Variants in MGAT4C observed in about 807,000 individuals in gnomAD.
MGAT4C encodes the protein MGAT4 family member C.
A neutral mutation model predicts 40.1 loss-of-function variants in MGAT4C; 19 were observed. That is an observed-to-expected ratio of 0.47 (90% CI 0.33 to 0.70). The LOEUF is 0.70. Among genes scored for constraint, MGAT4C ranks in the 30% least tolerant of loss-of-function variants. The pLI, the probability that MGAT4C is intolerant of heterozygous loss-of-function variation, is 0.02. For missense variants in MGAT4C, 491 were observed against 563.2 expected, an observed-to-expected ratio of 0.87 and a Z score of 1.30; for synonymous variants, 181 against 187.1, an observed-to-expected ratio of 0.97 and a Z score of 0.27.
At position 85,969,667 on chromosome 12, in the gene MGAT4C, C is replaced by A. The variant is rs1224421476; in HGVS notation, c.*9622G>T. The A allele has an allele frequency of 6.6e-6, 1 of 151,462 alleles. No homozygotes were observed. Among genetic ancestry groups the A allele is most frequent in the Non-Finnish European group, 1.5e-5 (1 of 67,592 alleles). The allele number at this position is 151,462 out of a possible 1,614,324, so 9.4% of individuals were successfully genotyped here. A position where few individuals can be genotyped will look rare whatever the true frequency, so the allele number is the denominator to read the frequency against. The stretch of plus-strand genomic sequence containing the variant: ...AATATAGTCATATCATCCAGAAAAT[C>A]CCATCTTAGACAAATGGGTTTTCAA... On this transcript the variant is annotated 3_prime_UTR_variant, in exon 5 of 5. Transcript: ENST00000611864.
intron 3 of MGAT4C, among the ~76,000 whole-genome samples, chr12:86,403,428 A>G (rs894728443): frequency 1.3e-5 from 2 of 152,386 alleles, no homozygotes; most frequent in African/African-American, 2.4e-5. Flanking sequence ...ATAATCTAAT[A>G]GAATTTTTGC....
At chr12:86,474,081 G>C (rs1270966039) in intron 2 of MGAT4C, among the ~76,000 whole-genome samples, 2 of 151,902 alleles carry the variant, frequency 1.3e-5, no homozygotes, top group Non-Finnish European at 2.9e-5. Flanking sequence ...GCAAAAGAAA[G>C]TCAGGCACTA....
At chr12:86,385,925 A>T (rs4526835) in intron 3 of MGAT4C, among the ~76,000 whole-genome samples, 204 of 151,986 alleles carry the variant, frequency 1.3e-3, no homozygotes, top group African/African-American at 4.6e-3. Flanking sequence ...ATTATTTTTT[A>T]TTTTTTATTT....
At chr12:86,554,323 G>T (rs1457106924) in intron 2 of MGAT4C, among the ~76,000 whole-genome samples, 1 of 152,132 alleles carries the variant, frequency 6.6e-6, no homozygotes, top group African/African-American at 2.4e-5. Context: ...TCTGAATGAG[G>T]TCACTAGTGC....
chr12:86,626,974 G>A (rs987578187), intron 2 of MGAT4C, among the ~76,000 whole-genome samples: 1 of 152,230 alleles, frequency 6.6e-6, no homozygotes, highest in Non-Finnish European at 1.5e-5. Flanking sequence ...GCCAAGGGAA[G>A]CCGTGACAGG....
chr12:86,797,172 T>C (rs1952137970), intron 1 of MGAT4C, among the ~76,000 whole-genome samples: 1 of 151,922 alleles, frequency 6.6e-6, no homozygotes, highest in Admixed American at 6.6e-5. Context: ...GCTGTACTTT[T>C]ATCTCCTCTG....
chr12:85,994,034 G>A lies in MGAT4C; in HGVS notation c.-6-4482C>T, dbSNP rs532392733. Among the ~76,000 whole-genome samples the A allele has an allele frequency of 3.9e-4, 60 of 152,270 alleles. 1 individual carries two copies. Among genetic ancestry groups the A allele is most frequent in the Non-Finnish European group, 6.5e-4 (44 of 68,008 alleles). ...AGCTGCAGTGGCTCCTAGGGAGGGC[G>A]AGGCTCCTGCCTGAGCAGTGGCATG... On this transcript the variant is annotated intron_variant, in intron 2 of 4. Transcript: ENST00000611864.
chr12:86,277,219 C>T (rs542000220), intron 4 of MGAT4C, among the ~76,000 whole-genome samples: 41 of 152,190 alleles, frequency 2.7e-4, no homozygotes, highest in African/African-American at 8.9e-4. Flanking sequence ...TTGTATGTCT[C>T]CTCTTGAGAA....
chr12:86,367,273 C>A (rs936815570), intron 3 of MGAT4C, among the ~76,000 whole-genome samples: 1 of 151,856 alleles, frequency 6.6e-6, no homozygotes, highest in African/African-American at 2.4e-5. Context: ...AACTGCCAAA[C>A]TTCACCCTCA....
chr12:86,804,377 T>G (rs1258563853), intron 1 of MGAT4C, among the ~76,000 whole-genome samples: 1 of 148,458 alleles, frequency 6.7e-6, no homozygotes, highest in Non-Finnish European at 1.5e-5. Context: ...GTAACTAAGC[T>G]GCACAATGTG....
intron 2 of MGAT4C, among the ~76,000 whole-genome samples, chr12:86,435,692 T>C (rs1957123779): frequency 6.6e-6 from 1 of 151,874 alleles, no homozygotes; most frequent in Admixed American, 6.6e-5. Flanking sequence ...ATGAACATTC[T>C]ATATCTCTGC....
chr12:86,718,962 A>G (rs1006414417), intron 2 of MGAT4C, among the ~76,000 whole-genome samples: 6 of 152,092 alleles, frequency 3.9e-5, no homozygotes, highest in Non-Finnish European at 8.8e-5. Context: ...TCTTTACATG[A>G]TGGTTACGTT....
intron 2 of MGAT4C, among the ~76,000 whole-genome samples, chr12:86,437,586 T>C (rs1957157958): frequency 6.6e-6 from 1 of 152,070 alleles, no homozygotes; most frequent in East Asian, 1.9e-4. Context: ...TGCAATTTGC[T>C]TTATTGTACT....
intron 1 of MGAT4C, among the ~76,000 whole-genome samples, chr12:86,794,994 C>A (rs1952087989): frequency 6.6e-6 from 1 of 151,710 alleles, no homozygotes; most frequent in African/African-American, 2.4e-5. Flanking sequence ...AATTACTTTA[C>A]AATAAATCAT....
At chr12:86,795,156 A>G (rs1327650043) in intron 1 of MGAT4C, among the ~76,000 whole-genome samples, 1 of 151,970 alleles carries the variant, frequency 6.6e-6, no homozygotes, top group African/African-American at 2.4e-5. Flanking sequence ...CTTTATTACT[A>G]AAGACAAAAT....
At chr12:86,663,935 G>A (rs1964039645) in intron 2 of MGAT4C, among the ~76,000 whole-genome samples, 1 of 152,144 alleles carries the variant, frequency 6.6e-6, no homozygotes, top group Non-Finnish European at 1.5e-5. Context: ...GGAGGGGTAA[G>A]TTGCTTGAGT....
Position 85,966,587 on chromosome 12 carries a change from G to C in MGAT4C, c.*12702C>G, listed in dbSNP as rs1337046254. ...GGATTATAAATCATGCTTCTATAAA[G>C]ACACATGCACACGTATGTTTATTGC... On this transcript the variant is annotated 3_prime_UTR_variant, in exon 5 of 5. Transcript: ENST00000611864. The C allele has an allele frequency of 6.6e-6, 1 of 152,050 alleles. No individual in the cohort carries two copies. The highest frequency in any genetic ancestry group is 1.5e-5 in the Non-Finnish European group (1 of 68,008). The allele number at this position is 152,050 out of a possible 1,614,324, so 9.4% of individuals were successfully genotyped here.
chr12:86,499,078 T>A (rs1958290141), intron 2 of MGAT4C, among the ~76,000 whole-genome samples: 1 of 151,922 alleles, frequency 6.6e-6, no homozygotes, highest in South Asian at 2.1e-4. Context: ...AATGTTGTCT[T>A]TTTTATTTTA....
intron 1 of MGAT4C, among the ~76,000 whole-genome samples, chr12:86,067,845 T>C (rs760084366): frequency 5.9e-5 from 9 of 152,172 alleles, no homozygotes; most frequent in Non-Finnish European, 1.0e-4. Flanking sequence ...CTGGTCTCTG[T>C]TGATGATCAG....
Sources: allele counts gnomAD v4.1 joint callset (sites outside exome capture counted in the v4.1 genomes callset), GRCh38; gene constraint gnomAD v4.1.1; transcripts MANE v1.5; gene names NCBI Gene and HGNC (gene_info 2026-07-23, HGNC 2026-07-21).